The following HIVEP2 variants were observed in gnomAD, a reference collection of about 807,000 sequenced individuals.
The protein encoded by HIVEP2 is transcription factor HIVEP2.
In HIVEP2, 14 loss-of-function variants were observed where a neutral mutation model predicts 180.7. That is an observed-to-expected ratio of 0.08 (90% CI 0.05 to 0.12). HIVEP2 has a LOEUF of 0.12. Ranked by LOEUF, HIVEP2 falls within the 10% of genes least tolerant of loss-of-function variation. The pLI is 1.00. For missense variants in HIVEP2, 2,579 were observed against 3,008.5 expected (o/e 0.86, Z 3.34); for synonymous variants, 1,184 against 1,136.4 (o/e 1.04, Z -0.84).
At chr6:142,841,566 A>C in intron 1 of HIVEP2, among the ~76,000 whole-genome samples, 1 of 152,040 alleles carries the variant, frequency 6.6e-6, no homozygotes, top group East Asian at 1.9e-4. Context: ...TTTCTGCATG[A>C]GTATATGTGG....
At chr6:142,873,500 T>C (rs1351491265) in intron 1 of HIVEP2, among the ~76,000 whole-genome samples, 1 of 152,192 alleles carries the variant, frequency 6.6e-6, no homozygotes, top group African/African-American at 2.4e-5. Flanking sequence ...GTGTCTTTTA[T>C]GTTATTAAAA....
At chr6:142,867,040 G>A (rs2128409447) in intron 1 of HIVEP2, among the ~76,000 whole-genome samples, 1 of 152,280 alleles carries the variant, frequency 6.6e-6, no homozygotes. Flanking sequence ...ACTGACTCCA[G>A]TATTTCCAAC....
intron 2 of HIVEP2, among the ~76,000 whole-genome samples, chr6:142,797,355 T>A (rs1449492310): frequency 6.6e-6 from 1 of 152,140 alleles, no homozygotes; most frequent in African/African-American, 2.4e-5. Context: ...CTTTCCTACA[T>A]GGAACAAATA....
At chr6:142,763,346 C>T (rs1040310190) in intron 7 of HIVEP2, among the ~76,000 whole-genome samples, 3 of 152,130 alleles carry the variant, frequency 2.0e-5, no homozygotes, top group African/African-American at 7.2e-5. Flanking sequence ...GCTCAGACGA[C>T]AATGTGGGTT....
intron 2 of HIVEP2, among the ~76,000 whole-genome samples, chr6:142,786,706 T>C (rs911510056): frequency 2.6e-5 from 4 of 152,226 alleles, no homozygotes; most frequent in Non-Finnish European, 4.4e-5. Context: ...ACAGATAAGA[T>C]AGACATTTTA....
intron 1 of HIVEP2, among the ~76,000 whole-genome samples, chr6:142,851,826 T>C (rs1000537599): frequency 6.6e-6 from 1 of 152,272 alleles, no homozygotes; most frequent in African/African-American, 2.4e-5. Flanking sequence ...ATTGAACCAT[T>C]CCTGATTACT....
intron 1 of HIVEP2, among the ~76,000 whole-genome samples, chr6:142,915,470 C>T (rs1263281196): frequency 1.3e-5 from 2 of 152,180 alleles, no homozygotes; most frequent in South Asian, 2.1e-4. Flanking sequence ...GAAGAGCTAA[C>T]CCTGCTGACA....
rs181052538 is a variant in HIVEP2 at position 142,861,868 on chromosome 6, A to G, written c.-640-24821T>C. 5.0e-4 allele frequency among the ~76,000 whole-genome samples: 76 copies of G among 152,318 alleles called. No individual in the cohort carries two copies. The East Asian group carries it at 0.013, about 25-fold the overall frequency. The stretch of plus-strand genomic sequence containing the variant: ...CACCAGTCCGGGTGGAAGCCTTACT[A>G]GAGATTAGAATTTGGCCCACCTGCA... On this transcript the variant is annotated intron_variant, in intron 1 of 9. Transcript: ENST00000367603.
chr6:142,784,856 T>C (rs575818537), intron 2 of HIVEP2, among the ~76,000 whole-genome samples: 2 of 152,260 alleles, frequency 1.3e-5, no homozygotes, highest in African/African-American at 4.8e-5. Context: ...AAAATATACA[T>C]TTTCTATAAG....
chr6:142,845,533 C>T (rs1036012047), intron 1 of HIVEP2, among the ~76,000 whole-genome samples: 10 of 152,236 alleles, frequency 6.6e-5, no homozygotes, highest in African/African-American at 2.2e-4. Flanking sequence ...TCTGTGTCAC[C>T]TGCTTTTAGA....
At chr6:142,790,367 C>G (rs1776108416) in intron 2 of HIVEP2, among the ~76,000 whole-genome samples, 1 of 152,102 alleles carries the variant, frequency 6.6e-6, no homozygotes. Flanking sequence ...TCCTTCCCTT[C>G]CATTTCCTCT....
In HIVEP2 at chr6:142,827,082, C is replaced by A. The variant is rs117363701; in HGVS notation, c.-528+9853G>T. 1.3e-3 allele frequency among the ~76,000 whole-genome samples: 205 copies of A among 152,254 alleles called. 6 individuals carry two copies. In the East Asian group the frequency reaches 0.037, roughly 28 times the overall value. ...TTGCTTCTTCTTCCATTCTACTACT[C>A]CTGTTAATTTCTCTCTTGTTATTCC... On this transcript the variant is annotated intron_variant, in intron 2 of 9. Transcript: ENST00000367603.
rs751782033 is a variant in HIVEP2 at position 142,774,541 on chromosome 6, A to G, written c.198T>C (p.Ser66=). The change falls in exon 5 of 10, where the codon TCT becomes TCC. Residue 66 remains serine (S), a synonymous_variant. Transcript: ENST00000367603. The surrounding 1 kb of genome is among the most constrained non-coding windows in gnomAD (Gnocchi z 5.1). ...CTTCACTAGGGGAGGCCAGTTTCCC[A>G]GAACCAAACAGTTGTGCTGATGCTG... The part of the protein sequence containing the change: ...GNTASAQLFG[S]GKLASPSEVV... 6.2e-6 allele frequency: 10 copies of G among 1,614,068 alleles called. No individual in the cohort carries two copies. Among genetic ancestry groups the G allele is most frequent in the Non-Finnish European group, 8.5e-6 (10 of 1,180,028 alleles).
intron 1 of HIVEP2, among the ~76,000 whole-genome samples, chr6:142,881,124 G>T (rs117709083): frequency 2.0e-5 from 3 of 152,100 alleles, no homozygotes; most frequent in Admixed American, 2.0e-4. Context: ...GTTCCCTCAG[G>T]AGGGAAATAA....
chr6:142,756,222 T>C, intron 9 of HIVEP2, among the ~76,000 whole-genome samples: 1 of 152,122 alleles, frequency 6.6e-6, no homozygotes, highest in Non-Finnish European at 1.5e-5. Flanking sequence ...TAGGGACCTC[T>C]AGATGCAAAT....
chr6:142,770,068 A>T lies in HIVEP2; in HGVS notation c.4671T>A (p.Ser1557Arg). The T allele has an allele frequency of 1.2e-6, 2 of 1,614,124 alleles. No homozygotes were observed. The highest frequency in any genetic ancestry group is 8.5e-7 in the Non-Finnish European group (1 of 1,180,036). Residue 1557 changes from serine (S) to arginine (R), a missense_variant, in exon 5 of 10, where the codon AGT (serine) becomes AGA (arginine). Around this residue, in one of 11 missense-constraint regions of HIVEP2, gnomAD observed 349 missense variants for 367.2 expected, o/e 0.95. Coordinates refer to ENST00000367603, the MANE Select transcript of HIVEP2 (RefSeq NM_006734.4). The surrounding 1 kb of genome is among the most constrained non-coding windows in gnomAD (Gnocchi z 4.7). ...AAGATTCTTTGCTTTCAGAAGGCCC[A>T]CTGGACTTCTGCCCCGGAAGTGGTG... is the stretch of plus-strand genomic sequence containing the variant. ...SRAPLPGQKS[S>R]GPSESKESSD...
chr6:142,916,949 G>A (rs1262915792), intron 1 of HIVEP2, among the ~76,000 whole-genome samples: 4 of 152,198 alleles, frequency 2.6e-5, no homozygotes, highest in Admixed American at 1.3e-4. Flanking sequence ...GATACATACA[G>A]TATTTAATTT....
intron 2 of HIVEP2, among the ~76,000 whole-genome samples, chr6:142,835,831 G>A (rs1044403661): frequency 1.3e-5 from 2 of 152,146 alleles, no homozygotes; most frequent in African/African-American, 2.4e-5. Context: ...TAGACAAAGG[G>A]AGATTATTTT....
chr6:142,852,959 A>G (rs12210048), intron 1 of HIVEP2, among the ~76,000 whole-genome samples: 26,933 of 152,158 alleles, frequency 0.18, 2,572 homozygotes, highest in South Asian at 0.22. Flanking sequence ...TTTTGTGCTT[A>G]TCTTTTAATT....
Sources: allele counts gnomAD v4.1 joint callset (sites outside exome capture counted in the v4.1 genomes callset), GRCh38; gene constraint gnomAD v4.1.1; regional missense constraint gnomAD v4.1.1; non-coding constraint Gnocchi (gnomAD v3.1); transcripts MANE v1.5; gene names NCBI Gene and HGNC (gene_info 2026-07-23, HGNC 2026-07-21).